Variants in HCN1 observed in about 807,000 individuals in gnomAD.
HCN1 encodes the protein hyperpolarization activated cyclic nucleotide gated potassium channel 1.
HCN1 carries 13 observed loss-of-function variants against 78.9 expected under a neutral mutation model. That is an observed-to-expected ratio of 0.16 (90% CI 0.11 to 0.26). The LOEUF is 0.26. Ranked by LOEUF, HCN1 falls within the 10% of genes least tolerant of loss-of-function variation. The probability of loss-of-function intolerance (pLI) is 1.00; values close to 1 mark genes in which losing one functional copy is unlikely to be tolerated. For synonymous variants in HCN1, 552 were observed against 455.5 expected (o/e 1.21, Z -2.70); for missense variants, 810 against 1,154.3 (o/e 0.70, Z 4.32).
At chr5:45,558,606 T>C (rs1743524106) in intron 2 of HCN1, 1 of 152,150 alleles carries the variant, frequency 6.6e-6, no homozygotes, top group Non-Finnish European at 1.5e-5. Context: ...GCTTACTCTC[T>C]TTTTAGGAGC....
At chr5:45,373,070 A>T (rs2112010007) in intron 4 of HCN1, among the ~76,000 whole-genome samples, 1 of 135,738 alleles carries the variant, frequency 7.4e-6, no homozygotes, top group East Asian at 2.2e-4. Flanking sequence ...AAATATATGT[A>T]GTATATAATA....
intron 2 of HCN1, among the ~76,000 whole-genome samples, chr5:45,592,649 TG>T (rs1744391539): frequency 6.6e-6 from 1 of 152,156 alleles, no homozygotes; most frequent in Non-Finnish European, 1.5e-5. Flanking sequence ...CTCCTTGAAC[TG>T]CAATCAGTAC....
chr5:45,587,870 G>A (rs776773856), intron 2 of HCN1, among the ~76,000 whole-genome samples: 12 of 152,076 alleles, frequency 7.9e-5, no homozygotes, highest in Non-Finnish European at 4.4e-5. Context: ...CATGAGGTTT[G>A]AGCTTTCCCA....
chr5:45,694,613 C>T (rs569607411), intron 1 of HCN1, among the ~76,000 whole-genome samples: 2 of 152,264 alleles, frequency 1.3e-5, no homozygotes, highest in Middle Eastern at 3.4e-3. Flanking sequence ...TCTTTTCGAA[C>T]GAGTTCGGCC....
chr5:45,476,331 C>T (rs1180973194), intron 2 of HCN1, among the ~76,000 whole-genome samples: 1 of 152,076 alleles, frequency 6.6e-6, no homozygotes, highest in Non-Finnish European at 1.5e-5. Flanking sequence ...TTGTTTAAGC[C>T]ACCCCAGTCT....
At chr5:45,269,406 T>G (rs1744918485) in intron 6 of HCN1, among the ~76,000 whole-genome samples, 1 of 152,208 alleles carries the variant, frequency 6.6e-6, no homozygotes, top group Non-Finnish European at 1.5e-5. Flanking sequence ...TCTGAACTCT[T>G]TCTCTTTACT....
intron 2 of HCN1, among the ~76,000 whole-genome samples, chr5:45,521,287 T>C (rs1339533881): frequency 6.6e-6 from 1 of 151,924 alleles, no homozygotes; most frequent in African/African-American, 2.4e-5. Context: ...TTGGCCAAAC[T>C]TAACATGAAG....
At chr5:45,692,592 C>A (rs1160167020) in intron 1 of HCN1, among the ~76,000 whole-genome samples, 1 of 152,168 alleles carries the variant, frequency 6.6e-6, no homozygotes, top group Non-Finnish European at 1.5e-5. Flanking sequence ...CTGAAGGTTT[C>A]TATTGTCATC....
intron 3 of HCN1, among the ~76,000 whole-genome samples, chr5:45,437,951 AG>A (rs918824653): frequency 6.6e-6 from 1 of 152,180 alleles, no homozygotes; most frequent in Non-Finnish European, 1.5e-5. Flanking sequence ...TATTGGCAGG[AG>A]GCTTCAGTGG....
chr5:45,602,018 A>G, intron 2 of HCN1, among the ~76,000 whole-genome samples: 1 of 151,910 alleles, frequency 6.6e-6, no homozygotes, highest in African/African-American at 2.4e-5. Context: ...ACAAGATCTG[A>G]TGGTTTTATA....
At chr5:45,599,380 C>T (rs112265982) in intron 2 of HCN1, among the ~76,000 whole-genome samples, 6 of 126,466 alleles carry the variant, frequency 4.7e-5, no homozygotes, top group African/African-American at 9.0e-5. Context: ...GGACACATGG[C>T]GGGGAACATC....
intron 1 of HCN1, among the ~76,000 whole-genome samples, chr5:45,664,634 C>T (rs13184431): frequency 6.6e-6 from 1 of 151,742 alleles, no homozygotes; most frequent in Admixed American, 6.6e-5. Flanking sequence ...AAATAGTGGG[C>T]AAAGGACATG....
chr5:45,339,438 A>C (rs905352636), intron 5 of HCN1, among the ~76,000 whole-genome samples: 1 of 152,160 alleles, frequency 6.6e-6, no homozygotes, highest in Non-Finnish European at 1.5e-5. Flanking sequence ...GGCCATCAAT[A>C]GCATTTATTT....
At chr5:45,666,304 C>G (rs777353229) in intron 1 of HCN1, among the ~76,000 whole-genome samples, 28 of 152,030 alleles carry the variant, frequency 1.8e-4, no homozygotes, top group Admixed American at 3.3e-4. Context: ...GTTTAAATTA[C>G]TAGTCAATGA....
chr5:45,473,719 G>A (rs1457182457), intron 2 of HCN1, among the ~76,000 whole-genome samples: 1 of 151,216 alleles, frequency 6.6e-6, no homozygotes, highest in East Asian at 1.9e-4. Flanking sequence ...ATGTTGACCT[G>A]GTATTCCTCT....
At chr5:45,555,773 A>T (rs980254651) in intron 2 of HCN1, among the ~76,000 whole-genome samples, 2 of 151,862 alleles carry the variant, frequency 1.3e-5, no homozygotes, top group African/African-American at 4.8e-5. Flanking sequence ...AAAAGAACAA[A>T]ACTGGAGGAG....
intron 3 of HCN1, among the ~76,000 whole-genome samples, chr5:45,397,127 T>C (rs1015466712): frequency 6.6e-6 from 1 of 152,146 alleles, no homozygotes; most frequent in African/African-American, 2.4e-5. Flanking sequence ...AACATTTTTA[T>C]CAAAACCATG....
rs976274855 is a variant in HCN1, at chr5:45,259,940, A to G, written c.*1981T>C. The stretch of plus-strand genomic sequence containing the variant: ...GTAGACTGAACAATCCCTTTCTTAC[A>G]ACAGTATTCCTGACATGCCATCATA... On this transcript the variant is annotated 3_prime_UTR_variant, in exon 8 of 8. Transcript: ENST00000303230. 3.3e-5 allele frequency: 5 copies of G among 152,604 alleles called. No homozygotes were observed. Among genetic ancestry groups the G allele is most frequent in the Non-Finnish European group, 7.4e-5 (5 of 68,022 alleles). 9.5% of individuals were successfully genotyped at this position (152,604 alleles called of 1,614,324 possible).
chr5:45,682,256 C>CATATATATATATATATATGT (rs997230551), intron 1 of HCN1, among the ~76,000 whole-genome samples: 1 of 132,152 alleles, frequency 7.6e-6, no homozygotes, highest in African/African-American at 2.9e-5. Context: ...AACAAGATAT[C>CATATATATATATATATATGT]ATATATATAT....
Sources: gnomAD v4.1 joint callset for allele counts (sites outside exome capture counted in the v4.1 genomes callset) on GRCh38, gnomAD v4.1.1 for gene constraint, MANE v1.5 for transcripts, NCBI Gene and HGNC (gene_info 2026-07-23, HGNC 2026-07-21) for gene names.